Variants in ETNK2 observed in about 807,000 individuals in gnomAD.
ETNK2 encodes the protein ethanolamine kinase-like protein.
In ETNK2, 33 loss-of-function variants were observed where a neutral mutation model predicts 46.2. The observed-to-expected ratio is 0.71, with a 90% CI of 0.54 to 0.96. The LOEUF (loss-of-function observed/expected upper bound fraction) is 0.96. Ranked by LOEUF, ETNK2 falls within the 40% of genes least tolerant of loss-of-function variation. ETNK2 has a pLI of 0.00. For missense variants in ETNK2, 445 were observed against 509.7 expected (o/e 0.87, Z 1.22); for synonymous variants, 194 against 209.0 (o/e 0.93, Z 0.62).
At position 204,151,891 on chromosome 1, in the gene ETNK2, T is replaced by A; in HGVS notation, c.-39A>T. The A allele has an allele frequency of 7.1e-7, 1 of 1,408,894 alleles. No homozygotes were observed. Among genetic ancestry groups the A allele is most frequent in the Non-Finnish European group, 9.2e-7 (1 of 1,087,956 alleles). The allele number at this position is 1,408,894 out of a possible 1,614,324, so 87.3% of individuals were successfully genotyped here. A position where few individuals can be genotyped will look rare whatever the true frequency, so the allele number is the denominator to read the frequency against. On this transcript the variant is annotated 5_prime_UTR_variant, in exon 1 of 8. An upstream open reading frame in the 5' UTR loses its in-frame stop. Transcript: ENST00000367202. This position sits in a 1 kb window ranked among gnomAD's most constrained non-coding sequence, Gnocchi z 8.0. The stretch of plus-strand genomic sequence containing the variant: ...ACCCCCTCGGAGCCGCGGCAGACGC[T>A]AGCCCCGGCGGGGGGGTCCGGCGAG...
intron 4 of ETNK2, among the ~76,000 whole-genome samples, chr1:204,140,605 A>T (rs1294688593): frequency 6.6e-6 from 1 of 150,506 alleles, no homozygotes; most frequent in Non-Finnish European, 1.5e-5. Context: ...GCTCACTGCA[A>T]CCTCTGCCTC....
chr1:204,142,920 C>A (rs1363789591), intron 3 of ETNK2: 1 of 152,212 alleles, frequency 6.6e-6, no homozygotes, highest in East Asian at 1.9e-4. Context: ...AGCCTCCCTC[C>A]AAGCCTCCAG....
At position 204,140,079 on chromosome 1, in the gene ETNK2, T is replaced by C; in HGVS notation, c.824A>G (p.Asn275Ser). ...RFIDYEYAGY[N>S]YQAFDIGNHF... ...GTTGCCAATGTCAAAAGCTTGGTAG[T>C]TGTAGCCAGCATATTCATAGTCAAT... Residue 275 changes from asparagine to serine, a missense_variant, in exon 5 of 8, where the codon AAC (asparagine) becomes AGC (serine). By Grantham distance (46) the Asn-to-Ser change is conservative. Coordinates refer to ENST00000367202, the MANE Select transcript of ETNK2 (RefSeq NM_018208.4). 1 of 1,614,004 alleles carries C rather than the reference T, an allele frequency of 6.2e-7. No individual in the cohort carries two copies. The highest frequency in any genetic ancestry group is 1.6e-4 in the Middle Eastern group (1 of 6,062).
intron 4 of ETNK2, among the ~76,000 whole-genome samples, chr1:204,140,342 C>T (rs1447570790): frequency 6.6e-6 from 1 of 152,082 alleles, no homozygotes; most frequent in Non-Finnish European, 1.5e-5. Flanking sequence ...TTCCCAGCTC[C>T]CAGTGTCCCT....
chr1:204,149,669 A>ATAG (rs1338215388), intron 2 of ETNK2, 34 bp downstream of exon 2: 1 of 1,545,934 alleles, frequency 6.5e-7, no homozygotes. Flanking sequence ...GGCCTGAAGA[A>ATAG]TAGTAGAGAC....
At chr1:204,137,419 C>A (rs965130904) in intron 5 of ETNK2, among the ~76,000 whole-genome samples, 170 bp from the exon 6 acceptor site, 3 of 152,154 alleles carry the variant, frequency 2.0e-5, no homozygotes, top group Admixed American at 6.5e-5. Flanking sequence ...CTAAACTCAG[C>A]TAGTGTGGGG....
intron 3 of ETNK2, among the ~76,000 whole-genome samples, chr1:204,142,413 T>C (rs1657589896): frequency 6.6e-6 from 1 of 152,086 alleles, no homozygotes; most frequent in Non-Finnish European, 1.5e-5. Context: ...TGTTGAGGAA[T>C]GAAGAAATCA....
At position 204,146,310 on chromosome 1, in the gene ETNK2, T is replaced by C. The variant is rs1657776813; in HGVS notation, c.641+332A>G. ...GAAGCTCTGCCTCTTACAAGCCCCATAACGCTGGGCCAAGCTCAGTCTCTG... is the reference window on the plus strand; with the variant it reads ...GAAGCTCTGCCTCTTACAAGCCCCACAACGCTGGGCCAAGCTCAGTCTCTG... On this transcript the variant is annotated intron_variant, in intron 3 of 7. Coordinates refer to ENST00000367202, the MANE Select transcript of ETNK2 (RefSeq NM_018208.4). 2.0e-5 allele frequency among the ~76,000 whole-genome samples: 3 copies of C among 152,100 alleles called. No homozygotes were observed. The South Asian group carries it at 6.2e-4, about 32-fold the overall frequency.
intron 3 of ETNK2, among the ~76,000 whole-genome samples, chr1:204,144,345 C>CAAAAGAAAAAAAAAAAA (rs1657688869): frequency 3.0e-5 from 1 of 33,340 alleles, no homozygotes; most frequent in Non-Finnish European, 5.1e-5. Flanking sequence ...GAATCCATCT[C>CAAAAGAAAAAAAAAAAA]AAAAAAAAAA....
At chr1:204,150,004 C>T (rs1398821995) in intron 1 of ETNK2, 42 bp from the exon 2 acceptor site, 4 of 1,511,384 alleles carry the variant, frequency 2.6e-6, no homozygotes, top group Admixed American at 4.0e-5. Context: ...GTGGGTGGGG[C>T]AGGATCTCTC....
chr1:204,152,012 C>G lies in ETNK2; in HGVS notation c.-160G>C. On this transcript the variant is annotated 5_prime_UTR_variant, in exon 1 of 8. Coordinates refer to ENST00000367202, the MANE Select transcript of ETNK2 (RefSeq NM_018208.4). The surrounding 1 kb of genome is among the most constrained non-coding windows in gnomAD (Gnocchi z 4.2). ...CGGCTCGCGGCCCGCCGCCCACCGC[C>G]GACCCCGGAGCGCCGCGGCCCGCCG... is the stretch of plus-strand genomic sequence containing the variant. The G allele has an allele frequency of 2.7e-6, 2 of 746,960 alleles. No individual in the cohort carries two copies. Among genetic ancestry groups the G allele is most frequent in the East Asian group, 6.9e-5 (2 of 29,036 alleles). The allele number at this position is 746,960 out of a possible 1,614,324, so 46.3% of individuals were successfully genotyped here.
At chr1:204,146,249 G>A (rs984728127) in intron 3 of ETNK2, among the ~76,000 whole-genome samples, 1 of 152,142 alleles carries the variant, frequency 6.6e-6, no homozygotes, top group African/African-American at 2.4e-5. Flanking sequence ...GGTTCAGAAG[G>A]TGGGGCAGGT....
At chr1:204,133,733 G>A (rs1458088060) in intron 7 of ETNK2, among the ~76,000 whole-genome samples, 14 of 151,778 alleles carry the variant, frequency 9.2e-5, no homozygotes, top group Admixed American at 3.9e-4. Flanking sequence ...GGGTTTCACC[G>A]TGTTAGCCAG....
intron 6 of ETNK2, among the ~76,000 whole-genome samples, chr1:204,136,797 G>A (rs181357944): frequency 3.2e-4 from 49 of 151,928 alleles, no homozygotes; most frequent in African/African-American, 1.1e-3. Flanking sequence ...GCAGTAGAAA[G>A]AACTACTTAT....
rs1212723687 is a variant in ETNK2, at chr1:204,141,539, T to C, written c.642-82A>G. 3 of 1,453,210 alleles carry C rather than the reference T, an allele frequency of 2.1e-6. No individual in the cohort carries two copies. The East Asian group carries it at 7.4e-5, about 36-fold the overall frequency. The allele number at this position is 1,453,210 out of a possible 1,614,324, so 90.0% of individuals were successfully genotyped here. On this transcript the variant is annotated intron_variant, in intron 3 of 7. Coordinates refer to ENST00000367202, the MANE Select transcript of ETNK2 (RefSeq NM_018208.4). ...GCCTCAAGAGCCCTGAATCTGAGCCTCATCACTCCCTCTGTCTTACTGCAG... is the reference window on the plus strand; with the variant it reads ...GCCTCAAGAGCCCTGAATCTGAGCCCCATCACTCCCTCTGTCTTACTGCAG...
At chr1:204,147,589 C>A (rs1168621931) in intron 2 of ETNK2, 2 of 526,576 alleles carry the variant, frequency 3.8e-6, no homozygotes, top group African/African-American at 1.9e-5. Flanking sequence ...AAGACTCCAA[C>A]ATTCAGCTTC....
intron 2 of ETNK2, 82 bp from the exon 3 acceptor site, chr1:204,146,846 C>A: frequency 6.4e-7 from 1 of 1,568,148 alleles, no homozygotes; most frequent in South Asian, 1.1e-5. Context: ...CAGATAGGGA[C>A]CCTCCAGGCC....
In ETNK2 at chr1:204,141,272, C is replaced by A. The variant is rs759383121; in HGVS notation, c.784+43G>T. ...AGCTCCGTGAAGCCAGCTAACCAAC[C>A]AACCAAAACCCTGCTGCTGCCCCAG... On this transcript the variant is annotated intron_variant, in intron 4 of 7. Coordinates refer to ENST00000367202, the MANE Select transcript of ETNK2 (RefSeq NM_018208.4). The A allele has an allele frequency of 6.2e-6, 10 of 1,613,668 alleles. No homozygotes were observed. The South Asian group carries it at 1.1e-4, about 18-fold the overall frequency.
At chr1:204,141,071 A>G (rs1657506226) in intron 4 of ETNK2, 2 of 583,046 alleles carry the variant, frequency 3.4e-6, no homozygotes, top group Non-Finnish European at 6.4e-6. Flanking sequence ...AGCAATCCAC[A>G]TGCCTTGGCC....
Sources: allele counts gnomAD v4.1 joint callset (sites outside exome capture counted in the v4.1 genomes callset), GRCh38; gene constraint gnomAD v4.1.1; non-coding constraint Gnocchi (gnomAD v3.1); transcripts MANE v1.5; gene names NCBI Gene and HGNC (gene_info 2026-07-23, HGNC 2026-07-21).